The following MTUS2 variants were observed in gnomAD, a reference collection of about 807,000 sequenced individuals.
MTUS2 encodes the protein microtubule associated scaffold protein 2, also known as microtubule-associated tumor suppressor candidate 2.
Under a neutral mutation model 114.1 loss-of-function variants are expected in MTUS2, and 40 were observed. The observed-to-expected ratio is 0.35, with a 90% CI of 0.27 to 0.46. The LOEUF is 0.46. Among genes scored for constraint, MTUS2 ranks in the 20% least tolerant of loss-of-function variants. The pLI is 1.00. For missense variants in MTUS2, 1,679 were observed against 1,705.4 expected (o/e 0.98, Z 0.27); for synonymous variants, 688 against 672.0 (o/e 1.02, Z -0.37).
At chr13:29,226,615 A>G (rs1009390078) in intron 5 of MTUS2, among the ~76,000 whole-genome samples, 5 of 152,046 alleles carry the variant, frequency 3.3e-5, no homozygotes, top group Admixed American at 2.6e-4. Context: ...TTTTAAGACT[A>G]TAAAATTTAG....
chr13:29,249,279 G>A (rs1266419044), intron 5 of MTUS2, among the ~76,000 whole-genome samples: 1 of 152,018 alleles, frequency 6.6e-6, no homozygotes, highest in Non-Finnish European at 1.5e-5. Flanking sequence ...TTGAGTCACC[G>A]CACCCAGCCA....
chr13:29,110,617 T>C (rs1353667011), intron 5 of MTUS2, among the ~76,000 whole-genome samples: 2 of 152,212 alleles, frequency 1.3e-5, no homozygotes, highest in East Asian at 3.8e-4. Context: ...CATTCAGTTC[T>C]TTCTCTTTCC....
intron 2 of MTUS2, among the ~76,000 whole-genome samples, chr13:28,968,671 A>G (rs1267297036): frequency 6.6e-6 from 1 of 152,190 alleles, no homozygotes; most frequent in East Asian, 1.9e-4. Context: ...TGAGTTTTAT[A>G]TGACTCGTGC....
chr13:29,216,333 G>A (rs946360365), intron 5 of MTUS2, among the ~76,000 whole-genome samples: 7 of 152,212 alleles, frequency 4.6e-5, no homozygotes, highest in African/African-American at 1.7e-4. Flanking sequence ...GATCCGCTGA[G>A]CAAGACCACT....
intron 5 of MTUS2, among the ~76,000 whole-genome samples, chr13:29,112,865 T>A (rs1890935010): frequency 6.6e-6 from 1 of 152,064 alleles, no homozygotes; most frequent in Admixed American, 6.5e-5. Context: ...CCCAGGTAAT[T>A]AAGAAGTAGA....
intron 4 of MTUS2, 66 bp downstream of exon 4, chr13:29,034,191 G>T: frequency 6.3e-7 from 1 of 1,595,938 alleles, no homozygotes; most frequent in South Asian, 1.1e-5. Flanking sequence ...GTAAGATGGT[G>T]ATAATTGTCT....
intron 5 of MTUS2, among the ~76,000 whole-genome samples, chr13:29,161,636 A>G (rs1893102138): frequency 6.6e-6 from 1 of 152,164 alleles, no homozygotes; most frequent in African/African-American, 2.4e-5. Context: ...GTCTATACTC[A>G]TTGCACCCAA....
chr13:29,146,297 T>C (rs1336051043), intron 5 of MTUS2, among the ~76,000 whole-genome samples: 1 of 152,212 alleles, frequency 6.6e-6, no homozygotes, highest in Non-Finnish European at 1.5e-5. Flanking sequence ...TTTAGGTGTC[T>C]GGTTTCTAAT....
chr13:28,843,620 T>C (rs185556573), intron 2 of MTUS2, among the ~76,000 whole-genome samples: 505 of 152,342 alleles, frequency 3.3e-3, no homozygotes, highest in Non-Finnish European at 4.6e-3. Context: ...TCTCTTAAGA[T>C]GATAGAAACC....
At chr13:29,445,503 G>A (rs973883165) in intron 9 of MTUS2, among the ~76,000 whole-genome samples, 3 of 152,196 alleles carry the variant, frequency 2.0e-5, no homozygotes, top group Non-Finnish European at 2.9e-5. Context: ...ATAGAGCAAG[G>A]TATATGGCAG....
chr13:29,412,265 AT>A (rs1566186590), intron 8 of MTUS2, among the ~76,000 whole-genome samples: 1 of 152,156 alleles, frequency 6.6e-6, no homozygotes, highest in Non-Finnish European at 1.5e-5. Flanking sequence ...AAAACACTTC[AT>A]TTCCTGTTTT....
At chr13:29,493,601 G>T (rs1428264186) in intron 12 of MTUS2, among the ~76,000 whole-genome samples, 1 of 152,130 alleles carries the variant, frequency 6.6e-6, no homozygotes, top group Non-Finnish European at 1.5e-5. Flanking sequence ...AAGAGTCCAG[G>T]ATTGTGGAGA....
chr13:29,379,024 T>C (rs1871978319), intron 8 of MTUS2, among the ~76,000 whole-genome samples: 1 of 152,224 alleles, frequency 6.6e-6, no homozygotes, highest in Admixed American at 6.5e-5. Context: ...TTCTCCACTT[T>C]GCTCTGTACT....
At chr13:29,005,856 A>G (rs1310338258) in intron 2 of MTUS2, among the ~76,000 whole-genome samples, 1 of 152,214 alleles carries the variant, frequency 6.6e-6, no homozygotes, top group Admixed American at 6.5e-5. Flanking sequence ...CTCTCTAGGA[A>G]TATGCTCCAT....
intron 2 of MTUS2, among the ~76,000 whole-genome samples, chr13:28,974,144 G>A (rs774761589): frequency 6.6e-6 from 1 of 152,218 alleles, no homozygotes; most frequent in African/African-American, 2.4e-5. Flanking sequence ...ACGGTGAGTA[G>A]TTTCTTATGG....
chr13:29,279,311 A>T (rs1220790812), intron 5 of MTUS2, among the ~76,000 whole-genome samples: 1 of 152,072 alleles, frequency 6.6e-6, no homozygotes, highest in Non-Finnish European at 1.5e-5. Context: ...AGGGTAGGTA[A>T]ATTTCCTGGG....
chr13:28,914,717 A>G (rs970230679), intron 2 of MTUS2, among the ~76,000 whole-genome samples: 1 of 152,072 alleles, frequency 6.6e-6, no homozygotes, highest in Admixed American at 6.6e-5. Flanking sequence ...ATGGGAGTCT[A>G]AGTCTCCTTG....
At chr13:29,467,826 A>G (rs191172914) in intron 9 of MTUS2, among the ~76,000 whole-genome samples, 18 of 152,348 alleles carry the variant, frequency 1.2e-4, no homozygotes, top group Admixed American at 1.2e-3. Flanking sequence ...AAGAATGCAT[A>G]AAATGCGGCC....
In MTUS2 at chr13:29,398,760, AAC is replaced by A. The variant is rs1201225492; in HGVS notation, c.3117+39297_3117+39298del. Among the ~76,000 whole-genome samples, 9 of 152,228 alleles carry A rather than the reference AAC, an allele frequency of 5.9e-5. No homozygotes were observed. The South Asian group carries it at 6.2e-4, about 11-fold the overall frequency. On this transcript the variant is annotated intron_variant, in intron 8 of 15. Coordinates refer to ENST00000612955, the MANE Select transcript of MTUS2 (RefSeq NM_001033602.4). The stretch of plus-strand genomic sequence containing the variant: ...ACACAATTTTTTTAAAAAATCACAA[AAC>A]ACACACACAACCCACACATAAACAG...
Sources: allele counts gnomAD v4.1 joint callset (sites outside exome capture counted in the v4.1 genomes callset), GRCh38; gene constraint gnomAD v4.1.1; transcripts MANE v1.5; gene names NCBI Gene and HGNC (gene_info 2026-07-23, HGNC 2026-07-21).